Variants in HDAC9 observed in about 807,000 individuals in gnomAD.
The protein encoded by HDAC9 is MEF-2 interacting transcription repressor (MITR) protein.
In HDAC9, 41 loss-of-function variants were observed where a neutral mutation model predicts 139.4. The ratio of observed to expected loss-of-function variants is 0.29; its 90% CI spans 0.23 to 0.38. HDAC9 has a LOEUF of 0.38. Ranked by LOEUF, HDAC9 falls within the 10% of genes least tolerant of loss-of-function variation. The pLI is 1.00. For missense variants in HDAC9, 1,147 were observed against 1,297.0 expected, an observed-to-expected ratio of 0.88 and a Z score of 1.78; for synonymous variants, 517 against 476.2, an observed-to-expected ratio of 1.09 and a Z score of -1.12.
intron 13 of HDAC9, among the ~76,000 whole-genome samples, chr7:18,746,964 A>G (rs1380417145): frequency 1.3e-5 from 2 of 152,208 alleles, no homozygotes; most frequent in African/African-American, 2.4e-5. Context: ...AGGAGGTGAC[A>G]TTAAAAACTG....
At chr7:18,283,942 C>A (rs1048516366) in intron 2 of HDAC9, among the ~76,000 whole-genome samples, 1 of 152,042 alleles carries the variant, frequency 6.6e-6, no homozygotes, top group African/African-American at 2.4e-5. Context: ...CCCCTCTGGC[C>A]CCAGCAAAAG....
chr7:18,704,754 AC>A (rs1487991799), intron 12 of HDAC9, among the ~76,000 whole-genome samples: 1 of 152,226 alleles, frequency 6.6e-6, no homozygotes, highest in East Asian at 1.9e-4. Context: ...ATATACACAG[AC>A]TTGATAATAA....
At chr7:18,867,448 G>GT (rs1204024909) in intron 21 of HDAC9, among the ~76,000 whole-genome samples, 1 of 152,142 alleles carries the variant, frequency 6.6e-6, no homozygotes, top group Non-Finnish European at 1.5e-5. Context: ...GCCCTAAAAT[G>GT]TTTTAAAGTA....
chr7:18,592,823 G>A (rs1461901208), intron 5 of HDAC9, among the ~76,000 whole-genome samples: 1 of 152,004 alleles, frequency 6.6e-6, no homozygotes, highest in African/African-American at 2.4e-5. Context: ...AAAGAAACAC[G>A]ATTTTGTTAC....
chr7:18,576,886 T>C (rs112403384), intron 2 of HDAC9, among the ~76,000 whole-genome samples: 3 of 151,854 alleles, frequency 2.0e-5, no homozygotes, highest in African/African-American at 7.2e-5. Flanking sequence ...GGAGATAGAA[T>C]TGTCAACATA....
chr7:18,731,272 C>T (rs932515721), intron 13 of HDAC9, among the ~76,000 whole-genome samples: 4 of 151,854 alleles, frequency 2.6e-5, no homozygotes, highest in Admixed American at 6.6e-5. Flanking sequence ...TAAACTCATA[C>T]GATCTCACAT....
chr7:18,884,462 T>C (rs1799971818), intron 22 of HDAC9, among the ~76,000 whole-genome samples: 1 of 152,134 alleles, frequency 6.6e-6, no homozygotes, highest in Non-Finnish European at 1.5e-5. Flanking sequence ...CAGTCTTTGA[T>C]AATTGGTGCT....
intron 2 of HDAC9, among the ~76,000 whole-genome samples, chr7:18,523,845 A>G (rs751474065): frequency 2.6e-5 from 4 of 152,052 alleles, no homozygotes; most frequent in Admixed American, 6.6e-5. Flanking sequence ...AAGGTGAGGA[A>G]TTACACAAGA....
intron 17 of HDAC9, among the ~76,000 whole-genome samples, chr7:18,795,062 T>C (rs1323235603): frequency 1.3e-5 from 2 of 151,944 alleles, no homozygotes; most frequent in African/African-American, 4.8e-5. Context: ...AATAAAAACA[T>C]AATTCCATGT....
chr7:18,696,208 G>C (rs984483671), intron 12 of HDAC9, among the ~76,000 whole-genome samples: 5 of 151,660 alleles, frequency 3.3e-5, no homozygotes, highest in African/African-American at 1.2e-4. Flanking sequence ...CCAAATAGAC[G>C]TTTAATTCAA....
At chr7:18,705,816 G>A (rs981290788) in intron 12 of HDAC9, among the ~76,000 whole-genome samples, 6 of 136,996 alleles carry the variant, frequency 4.4e-5, no homozygotes, top group Non-Finnish European at 7.5e-5. Context: ...TGGCACCATT[G>A]CACTCCAGCC....
intron 22 of HDAC9, among the ~76,000 whole-genome samples, chr7:18,921,104 A>G (rs1185376859): frequency 6.6e-6 from 1 of 152,152 alleles, no homozygotes; most frequent in Non-Finnish European, 1.5e-5. Context: ...AAAGACTTAC[A>G]TGTTAGACCT....
At chr7:18,215,493 G>A (rs1792242214) in intron 2 of HDAC9, among the ~76,000 whole-genome samples, 2 of 152,130 alleles carry the variant, frequency 1.3e-5, no homozygotes, top group Admixed American at 6.6e-5. Context: ...ATGCTAATGT[G>A]GGTAAATTGT....
chr7:18,313,584 T>G (rs937698767), intron 1 of HDAC9, among the ~76,000 whole-genome samples: 1 of 152,218 alleles, frequency 6.6e-6, no homozygotes, highest in East Asian at 1.9e-4. Context: ...CTTGTCACCA[T>G]GTGTGAACTT....
intron 1 of HDAC9, among the ~76,000 whole-genome samples, chr7:18,116,963 T>C (rs906406203): frequency 1.1e-4 from 17 of 152,350 alleles, no homozygotes; most frequent in African/African-American, 4.1e-4. Flanking sequence ...ATAGTTGCCT[T>C]TTTGTTACAA....
intron 22 of HDAC9, among the ~76,000 whole-genome samples, chr7:18,913,691 A>G (rs951533632): frequency 2.0e-5 from 3 of 152,080 alleles, no homozygotes; most frequent in African/African-American, 7.2e-5. Flanking sequence ...GTTTCATTCT[A>G]GGCAGAAGAG....
intron 21 of HDAC9, among the ~76,000 whole-genome samples, chr7:18,852,381 G>A (rs1252275931): frequency 6.6e-6 from 1 of 152,194 alleles, no homozygotes; most frequent in Non-Finnish European, 1.5e-5. Context: ...GACGATTAGA[G>A]TCAGGCGAGG....
chr7:18,432,962 A>G (rs368255952), intron 1 of HDAC9, among the ~76,000 whole-genome samples: 2 of 151,844 alleles, frequency 1.3e-5, no homozygotes, highest in African/African-American at 4.8e-5. Flanking sequence ...AAAAAAAAAA[A>G]AAAGAAAAGA....
intron 2 of HDAC9, among the ~76,000 whole-genome samples, chr7:18,498,308 G>A (rs916622992): frequency 6.6e-6 from 1 of 152,010 alleles, no homozygotes; most frequent in African/African-American, 2.4e-5. Context: ...CTCACCAGAA[G>A]CACTTTACAA....
Sources: gnomAD v4.1 joint callset for allele counts (sites outside exome capture counted in the v4.1 genomes callset) on GRCh38, gnomAD v4.1.1 for gene constraint, MANE v1.5 for transcripts, NCBI Gene and HGNC (gene_info 2026-07-23, HGNC 2026-07-21) for gene names.